Variants in SLCO1A2 observed in about 807,000 individuals in gnomAD.
SLCO1A2 encodes solute carrier organic anion transporter family member 1A2.
SLCO1A2 carries 67 observed loss-of-function variants against 69.0 expected under a neutral mutation model. That is an observed-to-expected ratio of 0.97 (90% CI 0.80 to 1.19). SLCO1A2 has a LOEUF of 1.19. SLCO1A2 is among the 50% of genes most tolerant of loss of function. The probability of loss-of-function intolerance (pLI) is 0.00; values close to 1 mark genes in which losing one functional copy is unlikely to be tolerated. For synonymous variants in SLCO1A2, 260 were observed against 265.9 expected (o/e 0.98, Z 0.22); for missense variants, 787 against 793.7 (o/e 0.99, Z 0.10).
chr12:21,325,449 G>A (rs1008134812), intron 2 of SLCO1A2, among the ~76,000 whole-genome samples: 4 of 152,122 alleles, frequency 2.6e-5, no homozygotes, highest in Admixed American at 1.3e-4. Context: ...TTTTTCTGGT[G>A]AAAAATGATT....
At chr12:21,391,586 A>C (rs961619897) in intron 1 of SLCO1A2, among the ~76,000 whole-genome samples, 2 of 152,144 alleles carry the variant, frequency 1.3e-5, no homozygotes, top group African/African-American at 4.8e-5. Flanking sequence ...AAGTGCAGGT[A>C]CCTTGAACAA....
intron 10 of SLCO1A2, chr12:21,295,394 T>C: frequency 2.0e-6 from 1 of 508,940 alleles, no homozygotes; most frequent in South Asian, 2.4e-5. Flanking sequence ...TCACTCACCC[T>C]GTGATATGTT....
chr12:21,297,416 T>C lies in SLCO1A2; in HGVS notation c.1063A>G (p.Ile355Val), dbSNP rs45628437. ...AAAACAAACATACCCATTAGAAAGA[T>C]TGCATCTGAAGATGATATTCCATAT... ...QQYGISSSDAIFLMGIYNLPP... is the reference protein window; with the variant it reads ...QQYGISSSDAVFLMGIYNLPP... Residue 355 changes from isoleucine (I) to valine (V), a missense_variant, in exon 9 of 15, where the codon ATC (isoleucine) becomes GTC (valine). Ile to Val is a conservative substitution (Grantham distance 29, BLOSUM62 3). Coordinates refer to ENST00000683939, the MANE Select transcript of SLCO1A2 (RefSeq NM_001386879.1). 6.4e-4 allele frequency: 1,038 copies of C among 1,610,530 alleles called. 6 individuals are homozygous for C. The highest frequency in any genetic ancestry group is 1.1e-3 in the Admixed American group (64 of 59,808).
chr12:21,340,683 C>G (rs901818770), intron 2 of SLCO1A2, among the ~76,000 whole-genome samples: 4 of 151,864 alleles, frequency 2.6e-5, no homozygotes, highest in African/African-American at 9.7e-5. Flanking sequence ...ATTTAAGCCA[C>G]ATTTCCTACT....
At chr12:21,395,037 G>A (rs755670122) in exon 1 of SLCO1A2, 2 of 156,736 alleles carry the variant, frequency 1.3e-5, no homozygotes, top group Middle Eastern at 2.8e-3. Context: ...GGCCAAATAG[G>A]AACAGCTCCG....
upstream of SLCO1A2, among the ~76,000 whole-genome samples, chr12:21,396,112 T>G (rs1414913088): frequency 5.3e-5 from 8 of 151,808 alleles, no homozygotes; most frequent in African/African-American, 1.9e-4. Flanking sequence ...GGCAAAGAAG[T>G]TGAAAACTCT....
intron 2 of SLCO1A2, among the ~76,000 whole-genome samples, chr12:21,374,131 G>A (rs1459532983): frequency 6.6e-6 from 1 of 152,046 alleles, no homozygotes; most frequent in Non-Finnish European, 1.5e-5. Context: ...GGATTTCCTG[G>A]GAAGTCTTAT....
intron 4 of SLCO1A2, among the ~76,000 whole-genome samples, chr12:21,313,717 C>G (rs1052202526): frequency 4.0e-5 from 6 of 149,394 alleles, no homozygotes; most frequent in African/African-American, 1.5e-4. Flanking sequence ...ACTGTCTCAA[C>G]AAAAATAAAA....
chr12:21,388,809 A>T (rs558443107), intron 1 of SLCO1A2, among the ~76,000 whole-genome samples: 1 of 152,190 alleles, frequency 6.6e-6, no homozygotes, highest in African/African-American at 2.4e-5. Context: ...AAAAAAAAAT[A>T]AGAAAATATG....
chr12:21,281,157 A>C (rs1944715279), intron 12 of SLCO1A2, among the ~76,000 whole-genome samples: 1 of 152,176 alleles, frequency 6.6e-6, no homozygotes, highest in Non-Finnish European at 1.5e-5. Flanking sequence ...AACTTCAAAT[A>C]AACAACCCAA....
chr12:21,411,687 A>AT (rs10618219), intron 1 of SLCO1A2, among the ~76,000 whole-genome samples: 49 of 149,912 alleles, frequency 3.3e-4, no homozygotes, highest in East Asian at 7.9e-4. Context: ...CATCAGTATA[A>AT]TTTTTTTTTT....
upstream of SLCO1A2, among the ~76,000 whole-genome samples, chr12:21,336,909 A>C (rs559328425): frequency 1.3e-4 from 20 of 152,140 alleles, no homozygotes; most frequent in South Asian, 4.1e-3. Flanking sequence ...AGACATGCTG[A>C]AGTTTTATTA....
intron 14 of SLCO1A2, 69 bp downstream of exon 14, chr12:21,274,400 G>C: frequency 2.1e-6 from 2 of 950,834 alleles, no homozygotes; most frequent in Non-Finnish European, 1.7e-6. Flanking sequence ...AAAAAGTTAC[G>C]TGTGAATGGT....
At chr12:21,304,377 CA>C (rs1565485805) in intron 6 of SLCO1A2, 49 bp downstream of exon 6, 3 of 1,435,186 alleles carry the variant, frequency 2.1e-6, no homozygotes, top group Non-Finnish European at 2.9e-6. Flanking sequence ...TTTCTAACCT[CA>C]AGGAACATAT....
At chr12:21,413,237 C>CTTTTTTTTTTTTTTTTTTT (rs3983534) in intron 1 of SLCO1A2, among the ~76,000 whole-genome samples, 5 of 99,428 alleles carry the variant, frequency 5.0e-5, no homozygotes, top group African/African-American at 8.0e-5. Flanking sequence ...TTTTCTTTTT[C>CTTTTTTTTTTTTTTTTTTT]TTTTTTTTTT....
chr12:21,305,948 T>C (rs1949325698), intron 5 of SLCO1A2, among the ~76,000 whole-genome samples: 1 of 152,168 alleles, frequency 6.6e-6, no homozygotes, highest in Admixed American at 6.5e-5. Flanking sequence ...ACCAGAAGAT[T>C]ATACAAGTCT....
rs12316340 is a variant in SLCO1A2 at position 21,387,311 on chromosome 12, T to C, written c.-190+7595A>G. Among the ~76,000 whole-genome samples the C allele has an allele frequency of 7.6e-3, 1,157 of 152,170 alleles. 12 individuals carry two copies. Among genetic ancestry groups the C allele is most frequent in the African/African-American group, 0.023 (962 of 41,506 alleles). ...CTAATCACCAAGATGATGGAGAAAA[T>C]GTCTCCAGGACATGTCAGAGACCTT... is the stretch of plus-strand genomic sequence containing the variant. On this transcript the variant is annotated intron_variant, in intron 1 of 15. Transcript: ENST00000307378.
At chr12:21,317,590 A>G (rs1250962489) in intron 3 of SLCO1A2, among the ~76,000 whole-genome samples, 1 of 152,180 alleles carries the variant, frequency 6.6e-6, no homozygotes, top group Non-Finnish European at 1.5e-5. Context: ...TTATGAGCTG[A>G]GTCAATTCGT....
intron 2 of SLCO1A2, among the ~76,000 whole-genome samples, chr12:21,361,965 C>T (rs1283818264): frequency 6.6e-6 from 1 of 152,146 alleles, no homozygotes; most frequent in Admixed American, 6.5e-5. Flanking sequence ...AGTTGGAAAA[C>T]ACTCTTCAGG....
Sources: allele counts gnomAD v4.1 joint callset (sites outside exome capture counted in the v4.1 genomes callset), GRCh38; gene constraint gnomAD v4.1.1; transcripts MANE v1.5; gene names NCBI Gene and HGNC (gene_info 2026-07-23, HGNC 2026-07-21).